The following MTA1 variants were observed in gnomAD, a reference collection of about 807,000 sequenced individuals.
MTA1 encodes the protein metastasis associated 1, also known as metastasis-associated protein MTA1.
A neutral mutation model predicts 97.0 loss-of-function variants in MTA1; 15 were observed. That is an observed-to-expected ratio of 0.15 (90% CI 0.10 to 0.24). The LOEUF is 0.24. Among genes scored for constraint, MTA1 ranks in the 10% least tolerant of loss-of-function variants. MTA1 has a pLI of 1.00. For synonymous variants in MTA1, 435 were observed against 417.5 expected (o/e 1.04, Z -0.51); for missense variants, 709 against 1,015.1 (o/e 0.70, Z 4.10).
At position 105,442,249 on chromosome 14, in the gene MTA1, G is replaced by T. The variant is rs4983622; in HGVS notation, c.97-3169G>T. 3.1e-3 allele frequency among the ~76,000 whole-genome samples: 473 copies of T among 152,358 alleles called. 13 individuals carry two copies. Among genetic ancestry groups the T allele is most frequent in the Admixed American group, 0.029 (437 of 15,306 alleles). On this transcript the variant is annotated intron_variant, in intron 2 of 20. Coordinates refer to ENST00000331320, the MANE Select transcript of MTA1 (RefSeq NM_004689.4). ...CTTTCGGCAGCCGCGTTCAGGTGTG[G>T]AGGCTCCACGCCCAGCCAAGCTCCA...
At chr14:105,435,535 G>C (rs2082302155) in intron 1 of MTA1, among the ~76,000 whole-genome samples, 1 of 152,184 alleles carries the variant, frequency 6.6e-6, no homozygotes. Context: ...CAATCCTCCT[G>C]ATTTCTTGTG....
At position 105,458,969 on chromosome 14, in the gene MTA1, C is replaced by T. The variant is rs1172778982; in HGVS notation, c.653+597C>T. On this transcript the variant is annotated intron_variant, in intron 8 of 20. Coordinates refer to ENST00000331320, the MANE Select transcript of MTA1 (RefSeq NM_004689.4). ...CTGCTCCCTGCGATGCTCATGCAGT[C>T]TGTCCCTGGTCCCTGGCGCCTGGGG... 4.6e-5 allele frequency among the ~76,000 whole-genome samples: 7 copies of T among 152,290 alleles called. No individual in the cohort carries two copies. In the South Asian group the frequency reaches 1.2e-3, roughly 27 times the overall value.
chr14:105,469,367 C>A, intron 18 of MTA1, 100 bp from the exon 19 acceptor site: 1 of 1,343,578 alleles, frequency 7.4e-7, no homozygotes, highest in Non-Finnish European at 1.1e-6. Flanking sequence ...TGGCAGATGG[C>A]CCCGGCCCAT....
chr14:105,432,491 G>A (rs965176319), intron 1 of MTA1, among the ~76,000 whole-genome samples: 3 of 151,728 alleles, frequency 2.0e-5, no homozygotes, highest in African/African-American at 2.4e-5. Flanking sequence ...CACCTGCCTC[G>A]GCCTCCCAAA....
rs782603801 is a variant in MTA1, at chr14:105,460,349, T to A, written c.654-9T>A. 2.5e-6 allele frequency: 4 copies of A among 1,604,408 alleles called. No individual in the cohort carries two copies. Among genetic ancestry groups the A allele is most frequent in the Non-Finnish European group, 3.4e-6 (4 of 1,175,468 alleles). ...CCGACACTGTGGTCAGCGCATCTCC[T>A]TTCCCCAGCTCTGTGGGCACCTTCG... On this transcript the variant is annotated splice_polypyrimidine_tract_variant and intron_variant, in intron 8 of 20. Transcript: ENST00000331320.
rs782418191 is a variant in MTA1 at position 105,466,594 on chromosome 14, G to A, written c.1777+16G>A. ...GGGGTGGACGGTGAGTGGCCCCCCC[G>A]CCCGGTGAGTGTGGCCCTCCCCGCC... On this transcript the variant is annotated intron_variant, in intron 17 of 20. Coordinates refer to ENST00000331320, the MANE Select transcript of MTA1 (RefSeq NM_004689.4). 3.6e-5 allele frequency: 57 copies of A among 1,564,420 alleles called. No individual in the cohort carries two copies. In the East Asian group the frequency reaches 4.0e-4, roughly 11 times the overall value.
chr14:105,425,579 C>G (rs2081983232), intron 1 of MTA1, among the ~76,000 whole-genome samples: 1 of 152,216 alleles, frequency 6.6e-6, no homozygotes, highest in African/African-American at 2.4e-5. Context: ...CCATGCCCGG[C>G]AGAGCATTTA....
chr14:105,463,772 G>T lies in MTA1; in HGVS notation c.1076+221G>T. ...CTCCTGGTCAGTAAGGGGGCATTGG[G>T]ATTCCAGCCCACACCGCCAGGGTTC... On this transcript the variant is annotated intron_variant, in intron 12 of 20. Transcript: ENST00000331320. This position sits in a 1 kb window ranked among gnomAD's most constrained non-coding sequence, Gnocchi z 5.9. 1.6e-6 allele frequency: 1 copy of T among 621,320 alleles called. No individual in the cohort carries two copies. The highest frequency in any genetic ancestry group is 1.9e-5 in the South Asian group (1 of 51,640). 38.5% of individuals were successfully genotyped at this position (621,320 alleles called of 1,614,324 possible).
intron 20 of MTA1, 21 bp downstream of exon 20, chr14:105,470,013 G>A: frequency 6.2e-7 from 1 of 1,612,478 alleles, no homozygotes; most frequent in Non-Finnish European, 8.5e-7. Context: ...CCCAGGGCAG[G>A]CGGGAGGGCT....
At position 105,454,296 on chromosome 14, in the gene MTA1, A is replaced by C. The variant is rs2083058622; in HGVS notation, c.536A>C (p.Asp179Ala). 1 of 1,612,822 alleles carries C rather than the reference A, an allele frequency of 6.2e-7. No homozygotes were observed. The highest frequency in any genetic ancestry group is 8.5e-7 in the Non-Finnish European group (1 of 1,179,230). The change falls in exon 7 of 21, where the codon GAC (aspartate) becomes GCC (alanine). Residue 179 changes from aspartate to alanine, a missense_variant. This residue lies in a region of MTA1 where 321 missense variants were observed against 593.5 expected (regional missense o/e 0.54). Coordinates refer to ENST00000331320, the MANE Select transcript of MTA1 (RefSeq NM_004689.4). ...VGNRYQADIT[D>A]LLKEGEEDGR... ...AACCGGTACCAGGCAGACATCACCG[A>C]CTTGTTAAAAGAAGGTAGGGTGGGC...
chr14:105,437,279 A>G (rs9743813), intron 1 of MTA1, among the ~76,000 whole-genome samples: 17,811 of 36,074 alleles, frequency 0.49, 3,446 homozygotes, highest in African/African-American at 0.61. Context: ...CCTCATGGGC[A>G]TGTGCCTGCA....
intron 1 of MTA1, among the ~76,000 whole-genome samples, chr14:105,438,438 C>T (rs1353691361): frequency 2.0e-5 from 3 of 152,308 alleles, no homozygotes; most frequent in African/African-American, 7.2e-5. Context: ...CTGGGAACGG[C>T]CCCTCCAGAT....
chr14:105,443,603 G>A (rs1024395511), intron 2 of MTA1, among the ~76,000 whole-genome samples: 3 of 152,178 alleles, frequency 2.0e-5, no homozygotes, highest in African/African-American at 7.2e-5. Flanking sequence ...TTGAACTCCT[G>A]GGAGTGAGCC....
intron 2 of MTA1, among the ~76,000 whole-genome samples, chr14:105,441,667 G>C (rs587769276): frequency 6.6e-6 from 1 of 152,152 alleles, no homozygotes; most frequent in Non-Finnish European, 1.5e-5. Context: ...GGTGGCGGGC[G>C]CCTGTGATCC....
At chr14:105,441,434 A>C (rs587673454) in intron 2 of MTA1, among the ~76,000 whole-genome samples, 7 of 152,202 alleles carry the variant, frequency 4.6e-5, no homozygotes, top group African/African-American at 1.7e-4. Context: ...CAGGGATGAA[A>C]AGCCGCAAGG....
chr14:105,464,757 G>A lies in MTA1; in HGVS notation c.1428G>A (p.Thr476=), dbSNP rs781785634. Residue 476 remains threonine, a synonymous_variant, in exon 15 of 21, where the codon ACG becomes ACA. Transcript: ENST00000331320. ...GGCAGGCTTTCTATCTGCACACGAC[G>A]AAGCTGACGCGGATCGCCCGGCGCC... is the stretch of plus-strand genomic sequence containing the variant. ...KTRQAFYLHT[T]KLTRIARRLC... 29 of 1,609,950 alleles carry A rather than the reference G, an allele frequency of 1.8e-5. No homozygotes were observed. The highest frequency in any genetic ancestry group is 6.7e-5 in the Admixed American group (4 of 59,890).
chr14:105,436,349 C>CT (rs1410222085), intron 1 of MTA1, among the ~76,000 whole-genome samples: 1 of 152,212 alleles, frequency 6.6e-6, no homozygotes, highest in Admixed American at 6.5e-5. Context: ...TATTTTTACT[C>CT]TATCATTTCC....
chr14:105,452,182 GGCAGAA>G (rs2082970411), intron 6 of MTA1, among the ~76,000 whole-genome samples: 1 of 152,252 alleles, frequency 6.6e-6, no homozygotes, highest in African/African-American at 2.4e-5. Flanking sequence ...CTTAGCACCT[GGCAGAA>G]GCTTGTGCCA....
At chr14:105,467,622 C>G (rs587748227) in intron 18 of MTA1, 2 of 381,626 alleles carry the variant, frequency 5.2e-6, no homozygotes, top group African/African-American at 4.2e-5. Flanking sequence ...GCAGCTTCCT[C>G]CCGACATCCC....
Sources: allele counts gnomAD v4.1 joint callset (sites outside exome capture counted in the v4.1 genomes callset), GRCh38; gene constraint gnomAD v4.1.1; regional missense constraint gnomAD v4.1.1; non-coding constraint Gnocchi (gnomAD v3.1); transcripts MANE v1.5; gene names NCBI Gene and HGNC (gene_info 2026-07-23, HGNC 2026-07-21).